Variants in HCN4 observed in about 807,000 individuals in gnomAD.
HCN4 encodes the protein potassium/sodium hyperpolarization-activated cyclic nucleotide-gated channel 4.
In HCN4, 29 loss-of-function variants were observed where a neutral mutation model predicts 76.9. The ratio of observed to expected loss-of-function variants is 0.38; its 90% CI spans 0.28 to 0.51. The LOEUF (loss-of-function observed/expected upper bound fraction) is 0.51, where lower values mean the gene tolerates loss of function less well. Among genes scored for constraint, HCN4 ranks in the 20% least tolerant of loss-of-function variants. The pLI is 0.90. For synonymous variants in HCN4, 772 were observed against 762.5 expected (o/e 1.01, Z -0.21); for missense variants, 1,416 against 1,715.2 (o/e 0.83, Z 3.08).
At chr15:73,355,448 G>A (rs955345847) in intron 1 of HCN4, among the ~76,000 whole-genome samples, 1 of 152,068 alleles carries the variant, frequency 6.6e-6, no homozygotes, top group Non-Finnish European at 1.5e-5. Context: ...GCTCACTCAC[G>A]GAAGAACGCG....
At position 73,329,600 on chromosome 15, in the gene HCN4, G is replaced by A. The variant is rs201999732; in HGVS notation, c.1563C>T (p.Asp521=). The A allele has an allele frequency of 8.1e-6, 13 of 1,614,136 alleles. No homozygotes were observed. The East Asian group carries it at 2.9e-4, about 36-fold the overall frequency. Residue 521 remains aspartate (D), a synonymous_variant, in exon 4 of 8, where the codon GAC becomes GAT. Coordinates refer to ENST00000261917, the MANE Select transcript of HCN4 (RefSeq NM_005477.3). The part of the protein sequence containing the change: ...GHATALIQSL[D]SSRRQYQEKY... ...TTTCCTGGTACTGGCGCCGGGAGGAGTCCAGGGACTGGATGAGGGCAGTGG... is the reference window on the plus strand; with the variant it reads ...TTTCCTGGTACTGGCGCCGGGAGGAATCCAGGGACTGGATGAGGGCAGTGG...
chr15:73,341,132 T>C lies in HCN4; in HGVS notation c.1209+2253A>G, dbSNP rs2043000147. The C allele has an allele frequency of 2.0e-5, 3 of 149,560 alleles. No individual in the cohort carries two copies. The South Asian group carries it at 6.3e-4, about 31-fold the overall frequency. 9.3% of individuals were successfully genotyped at this position (149,560 alleles called of 1,614,324 possible). On this transcript the variant is annotated intron_variant, in intron 2 of 7. Coordinates refer to ENST00000261917, the MANE Select transcript of HCN4 (RefSeq NM_005477.3). The stretch of plus-strand genomic sequence containing the variant: ...AATATATATATATTATAAATATAAA[T>C]AACATCTATTTATTTATTTTTTTGA...
chr15:73,366,150 T>A (rs533765537), intron 1 of HCN4, among the ~76,000 whole-genome samples: 1 of 152,146 alleles, frequency 6.6e-6, no homozygotes, highest in Non-Finnish European at 1.5e-5. Flanking sequence ...CCTGGAGATA[T>A]TAGGGTTAGG....
chr15:73,329,812 G>A, intron 3 of HCN4, 21 bp from the exon 4 acceptor site: 7 of 1,596,516 alleles, frequency 4.4e-6, no homozygotes, highest in Non-Finnish European at 6.0e-6. Context: ...ACGGATGGGT[G>A]GGGACAGTGG....
At chr15:73,350,239 C>T (rs757655116) in intron 1 of HCN4, among the ~76,000 whole-genome samples, 3 of 152,186 alleles carry the variant, frequency 2.0e-5, no homozygotes, top group Non-Finnish European at 4.4e-5. Flanking sequence ...CCAGCTCATT[C>T]GCCTCTCTAA....
At chr15:73,336,318 T>C (rs1231357434) in intron 2 of HCN4, among the ~76,000 whole-genome samples, 2 of 152,158 alleles carry the variant, frequency 1.3e-5, no homozygotes, top group South Asian at 2.1e-4. Context: ...GAGTGGGGTC[T>C]CCCTGGCTAA....
At chr15:73,329,429 C>A in intron 4 of HCN4, 144 bp downstream of exon 4, 1 of 718,184 alleles carries the variant, frequency 1.4e-6, no homozygotes. Context: ...AGGTGTCTCC[C>A]TCCTCCTGCT....
Position 73,329,696 on chromosome 15 carries a change from C to T in HCN4, c.1467G>A (p.Met489Ile), listed in dbSNP as rs771198178. The change falls in exon 4 of 8, where the codon ATG becomes ATA. Residue 489 changes from methionine to isoleucine, a missense_variant. Around this residue, in one of 6 missense-constraint regions of HCN4, gnomAD observed 112 missense variants for 259.9 expected, o/e 0.43. Transcript: ENST00000261917. ...TGAGCATGGTGAGCCAGACGTCGGA[C>T]ATGCCCACGGGCGCCTGCCGCCCGT... ...IGYGRQAPVG[M>I]SDVWLTMLSM... The T allele has an allele frequency of 5.6e-6, 9 of 1,614,186 alleles. No homozygotes were observed. Among genetic ancestry groups the T allele is most frequent in the African/African-American group, 1.3e-5 (1 of 75,066 alleles).
intron 1 of HCN4, among the ~76,000 whole-genome samples, chr15:73,349,212 T>C (rs1424452734): frequency 3.3e-5 from 5 of 152,080 alleles, no homozygotes; most frequent in Non-Finnish European, 5.9e-5. Flanking sequence ...ATTCCCTTGG[T>C]TTTCCAGACC....
chr15:73,353,471 A>C (rs767691656), intron 1 of HCN4, among the ~76,000 whole-genome samples: 2 of 152,208 alleles, frequency 1.3e-5, no homozygotes, highest in Admixed American at 6.5e-5. Context: ...TAATAGGCAA[A>C]GGAGGACAGC....
chr15:73,344,076 C>T (rs1567787300), intron 1 of HCN4, among the ~76,000 whole-genome samples: 1 of 152,190 alleles, frequency 6.6e-6, no homozygotes. Context: ...TCCTCCCATC[C>T]CCAGCCCGCA....
intron 2 of HCN4, among the ~76,000 whole-genome samples, chr15:73,334,998 C>T (rs192191870): frequency 9.2e-5 from 14 of 152,036 alleles, no homozygotes; most frequent in East Asian, 5.8e-4. Context: ...CAGACAGAGA[C>T]GATCTCTTTG....
intron 1 of HCN4, among the ~76,000 whole-genome samples, chr15:73,353,161 G>A (rs1471963889): frequency 6.6e-6 from 1 of 152,140 alleles, no homozygotes. Flanking sequence ...GGAATATATC[G>A]TGACTCTGAG....
intron 1 of HCN4, among the ~76,000 whole-genome samples, chr15:73,358,287 G>A (rs1453667435): frequency 6.6e-6 from 1 of 152,226 alleles, no homozygotes; most frequent in East Asian, 1.9e-4. Context: ...AACGGGACCT[G>A]TGGACCTGAG....
Position 73,368,022 on chromosome 15 carries a change from G to A in HCN4, c.249C>T (p.Gly83=), listed in dbSNP as rs1183278712. Residue 83 remains glycine (G), a synonymous_variant, in exon 1 of 8, where the codon GGC becomes GGT. Coordinates refer to ENST00000261917, the MANE Select transcript of HCN4 (RefSeq NM_005477.3). This position sits in a 1 kb window ranked among gnomAD's most constrained non-coding sequence, Gnocchi z 6.9. ...CGCCGTTCGTGCTGGACTTGCCCGC[G>A]CCGCGGGCCGGCCCTTCGCTGTCCG... ...GAADSEGPAR[G]AGKSSTNGDC... The A allele has an allele frequency of 6.9e-5, 98 of 1,420,038 alleles. No individual in the cohort carries two copies. The highest frequency in any genetic ancestry group is 8.8e-5 in the Non-Finnish European group (96 of 1,094,096). 88.0% of individuals were successfully genotyped at this position (1,420,038 alleles called of 1,614,324 possible). A position where few individuals can be genotyped will look rare whatever the true frequency, so the allele number is the denominator to read the frequency against.
At chr15:73,326,905 G>A (rs1039314042) in intron 4 of HCN4, among the ~76,000 whole-genome samples, 16 of 151,344 alleles carry the variant, frequency 1.1e-4, no homozygotes, top group Non-Finnish European at 1.8e-4. Flanking sequence ...TCCCATCTCA[G>A]CCTCCTAAAC....
intron 1 of HCN4, among the ~76,000 whole-genome samples, chr15:73,366,104 G>T (rs566675764): frequency 1.3e-5 from 2 of 152,160 alleles, no homozygotes; most frequent in Non-Finnish European, 2.9e-5. Flanking sequence ...TGTTTAGCCT[G>T]CCCTCTGGTC....
chr15:73,354,590 A>T (rs1421960514), intron 1 of HCN4, among the ~76,000 whole-genome samples: 1 of 152,184 alleles, frequency 6.6e-6, no homozygotes, highest in Admixed American at 6.5e-5. Context: ...TACGGTGGCT[A>T]GGTGCTCTGC....
chr15:73,323,287 G>A lies in HCN4; in HGVS notation c.2806C>T (p.Pro936Ser), dbSNP rs2042875292. 6.5e-7 allele frequency: 1 copy of A among 1,536,762 alleles called. No individual in the cohort carries two copies. Among genetic ancestry groups the A allele is most frequent in the Non-Finnish European group, 8.8e-7 (1 of 1,140,212 alleles). ...LTPLQPGARS[P>S]QAAQPSPAPP... ...GCGGGAGATGGCTGGGCAGCCTGCG[G>A]GGAGCGGGCGCCTGGCTGCAGCGGG... The change falls in exon 8 of 8, where the codon CCG becomes TCG. Residue 936 changes from proline (P) to serine (S), a missense_variant. Physicochemically the swap from Pro to Ser is moderately conservative, Grantham distance 74. Transcript: ENST00000261917.
Sources: gnomAD v4.1 joint callset for allele counts (sites outside exome capture counted in the v4.1 genomes callset) on GRCh38, gnomAD v4.1.1 for gene constraint, gnomAD v4.1.1 regional missense constraint, Gnocchi (gnomAD v3.1) non-coding constraint, MANE v1.5 for transcripts, NCBI Gene and HGNC (gene_info 2026-07-23, HGNC 2026-07-21) for gene names.